MAPK10: variants seen among roughly 807,000 people sequenced by gnomAD.
MAPK10 encodes the protein mitogen-activated protein kinase 10, also known as JNK3 alpha protein kinase.
In MAPK10, 25 loss-of-function variants were observed where a neutral mutation model predicts 59.3. That is an observed-to-expected ratio of 0.42 (90% CI 0.31 to 0.59). The LOEUF (loss-of-function observed/expected upper bound fraction) is 0.59, where lower values mean the gene tolerates loss of function less well. Ranked by LOEUF, MAPK10 falls within the 20% of genes least tolerant of loss-of-function variation. The probability of loss-of-function intolerance (pLI) is 0.15; values close to 1 mark genes in which losing one functional copy is unlikely to be tolerated. For missense variants in MAPK10, 351 were observed against 568.9 expected, an observed-to-expected ratio of 0.62 and a Z score of 3.90; for synonymous variants, 190 against 200.5, an observed-to-expected ratio of 0.95 and a Z score of 0.44.
intron 1 of MAPK10, among the ~76,000 whole-genome samples, chr4:86,503,445 T>G (rs1755477528): frequency 6.6e-6 from 1 of 152,120 alleles, no homozygotes; most frequent in Non-Finnish European, 1.5e-5. Context: ...CTGATAAATT[T>G]TCATAAAGTA....
rs72662058 is a variant in MAPK10 at position 86,133,328 on chromosome 4, T to C, written c.236+25970A>G. On this transcript the variant is annotated intron_variant, in intron 4 of 13. Coordinates refer to ENST00000641462, the MANE Select transcript of MAPK10 (RefSeq NM_138982.4). ...TAAAGTATTATCTTTTTAGATTTTA[T>C]GATTCTGTGGTATTTATCAGCTTTT... Among the ~76,000 whole-genome samples the C allele has an allele frequency of 7.9e-3, 1,203 of 152,358 alleles. 8 individuals are homozygous for C. The highest frequency in any genetic ancestry group is 0.011 in the Non-Finnish European group (741 of 68,036).
At chr4:86,432,720 C>T (rs905596943) in intron 1 of MAPK10, among the ~76,000 whole-genome samples, 2 of 152,202 alleles carry the variant, frequency 1.3e-5, no homozygotes, top group African/African-American at 4.8e-5. Context: ...GCACTCACTA[C>T]TTGTAGTGGG....
chr4:86,359,617 A>G (rs1736445878), intron 1 of MAPK10, 41 bp downstream of exon 1: 1 of 947,810 alleles, frequency 1.1e-6, no homozygotes, highest in African/African-American at 1.8e-5. Flanking sequence ...CCCACCCTCC[A>G]AAAACAGGTT....
Position 86,496,774 on chromosome 4 carries a change from T to C in MAPK10, c.-263+97136A>G, listed in dbSNP as rs140645317. On this transcript the variant is annotated intron_variant, in intron 1 of 4. Coordinates refer to the MAPK10 transcript ENST00000502302. ...ATGACAATTAATTTTTTCTGGTGAG[T>C]TAGAGGAGAAATATTTAATTCCCCC... Among the ~76,000 whole-genome samples the C allele has an allele frequency of 7.3e-3, 1,118 of 152,264 alleles. 19 individuals carry two copies. Among genetic ancestry groups the C allele is most frequent in the African/African-American group, 0.025 (1,031 of 41,550 alleles).
chr4:86,245,646 T>A (rs114733912), intron 2 of MAPK10, among the ~76,000 whole-genome samples: 1,616 of 152,156 alleles, frequency 0.011, 31 homozygotes, highest in African/African-American at 0.037. Context: ...CAGTGCCAAT[T>A]CTTAATAAGG....
chr4:86,094,197 A>G (rs1216296444), intron 9 of MAPK10, among the ~76,000 whole-genome samples: 1 of 152,006 alleles, frequency 6.6e-6, no homozygotes, highest in Non-Finnish European at 1.5e-5. Context: ...GTTCATATTC[A>G]AACTTTAAAA....
At chr4:86,293,495 C>T (rs953393013) in intron 2 of MAPK10, among the ~76,000 whole-genome samples, 1 of 152,174 alleles carries the variant, frequency 6.6e-6, no homozygotes, top group Non-Finnish European at 1.5e-5. Context: ...CCTTGGCTTT[C>T]ACCTCTGCAC....
intron 2 of MAPK10, among the ~76,000 whole-genome samples, chr4:86,230,889 CT>C (rs993964690): frequency 6.6e-6 from 1 of 152,144 alleles, no homozygotes. Context: ...TATTCATAAC[CT>C]TTTTTATCTG....
intron 1 of MAPK10, among the ~76,000 whole-genome samples, chr4:86,414,260 T>TTCTACCCCTCATCCATGATATAACAA (rs1745578500): frequency 1.3e-5 from 2 of 151,898 alleles, no homozygotes; most frequent in Non-Finnish European, 2.9e-5. Flanking sequence ...TGATATAACA[T>TTCTACCCCTCATCCATGATATAACAA]CCATGTGGTT....
chr4:86,033,565 G>A (rs572404806), intron 11 of MAPK10, among the ~76,000 whole-genome samples: 3 of 152,292 alleles, frequency 2.0e-5, no homozygotes, highest in South Asian at 2.1e-4. Context: ...GTTTCCCTAG[G>A]AGCCTCAGTG....
intron 2 of MAPK10, among the ~76,000 whole-genome samples, chr4:86,239,681 G>A (rs2092572085): frequency 6.6e-6 from 1 of 151,708 alleles, no homozygotes; most frequent in African/African-American, 2.4e-5. Flanking sequence ...ATTTCTGTGG[G>A]GTCAGTGGCG....
At chr4:86,138,507 A>C (rs2062787506) in intron 4 of MAPK10, among the ~76,000 whole-genome samples, 1 of 134,854 alleles carries the variant, frequency 7.4e-6, no homozygotes, top group Non-Finnish European at 1.6e-5. Context: ...AAAAACTCTC[A>C]ATAAATTAGG....
chr4:86,027,291 T>G (rs1441018635), intron 13 of MAPK10: 2 of 152,224 alleles, frequency 1.3e-5, no homozygotes, highest in African/African-American at 4.8e-5. Context: ...TTTTAATTGT[T>G]AAGGTAGTTG....
At chr4:86,565,790 C>T (rs918623611) in intron 1 of MAPK10, among the ~76,000 whole-genome samples, 1 of 152,140 alleles carries the variant, frequency 6.6e-6, no homozygotes, top group East Asian at 1.9e-4. Flanking sequence ...AGTAAACTAT[C>T]AAACTCCTAT....
chr4:86,194,773 G>A (rs1346756961), intron 2 of MAPK10, among the ~76,000 whole-genome samples: 4 of 151,282 alleles, frequency 2.6e-5, no homozygotes, highest in African/African-American at 9.7e-5. Context: ...TATATTTATT[G>A]TAGAATAAAA....
chr4:86,137,101 C>T (rs1047109800), intron 4 of MAPK10, among the ~76,000 whole-genome samples: 18 of 150,564 alleles, frequency 1.2e-4, no homozygotes, highest in African/African-American at 4.2e-4. Context: ...CTTTAACACC[C>T]CACTGTCAAC....
chr4:86,140,825 A>G (rs1027405069), intron 4 of MAPK10, among the ~76,000 whole-genome samples: 1 of 152,184 alleles, frequency 6.6e-6, no homozygotes, highest in Non-Finnish European at 1.5e-5. Context: ...TGGCTGCTAG[A>G]GACTTAGTAA....
intron 2 of MAPK10, among the ~76,000 whole-genome samples, chr4:86,318,070 C>A (rs2095823834): frequency 6.6e-6 from 1 of 152,062 alleles, no homozygotes; most frequent in African/African-American, 2.4e-5. Flanking sequence ...ATAAGGACAC[C>A]AATTATATTG....
At chr4:86,449,066 C>A (rs1750391243) in intron 1 of MAPK10, among the ~76,000 whole-genome samples, 1 of 152,200 alleles carries the variant, frequency 6.6e-6, no homozygotes, top group Non-Finnish European at 1.5e-5. Context: ...AGAGGAGGAT[C>A]GCTGGCTCGC....
Sources: allele counts gnomAD v4.1 joint callset (sites outside exome capture counted in the v4.1 genomes callset), GRCh38; gene constraint gnomAD v4.1.1; transcripts MANE v1.5; gene names NCBI Gene and HGNC (gene_info 2026-07-23, HGNC 2026-07-21).